CELSR3: variants seen among roughly 807,000 people sequenced by gnomAD.
CELSR3 encodes cadherin EGF LAG seven-pass G-type receptor 3.
In CELSR3, 73 loss-of-function variants were observed where a neutral mutation model predicts 270.0. The ratio of observed to expected loss-of-function variants is 0.27; its 90% CI spans 0.22 to 0.33. The LOEUF (loss-of-function observed/expected upper bound fraction) is 0.33, where lower values mean the gene tolerates loss of function less well. Among genes scored for constraint, CELSR3 ranks in the 10% least tolerant of loss-of-function variants. The probability of loss-of-function intolerance (pLI) is 1.00; values close to 1 mark genes in which losing one functional copy is unlikely to be tolerated. For synonymous variants in CELSR3, 1,780 were observed against 1,905.4 expected (o/e 0.93, Z 1.71); for missense variants, 3,614 against 4,533.8 (o/e 0.80, Z 5.83).
rs746226586 is a variant in CELSR3, at chr3:48,639,713, G to A, written c.9872C>T (p.Ala3291Val). ...CAGCTCCGAGATGCTGTGAGACGTG[G>A]CAGAACGTGGCGTGGAGGGCCCAAG... is the stretch of plus-strand genomic sequence containing the variant. The part of the protein sequence containing the change: ...SVLGPSTPRS[A>V]TSHSISELSP... Residue 3291 changes from alanine to valine, a missense_variant, in exon 34 of 35, where the codon GCC becomes GTC. Transcript: ENST00000164024. The surrounding 1 kb of genome is among the most constrained non-coding windows in gnomAD (Gnocchi z 4.1). The A allele has an allele frequency of 2.5e-6, 4 of 1,613,690 alleles. 1 individual carries two copies. The highest frequency in any genetic ancestry group is 8.5e-7 in the Non-Finnish European group (1 of 1,179,958).
chr3:48,662,324 T>C lies in CELSR3; in HGVS notation c.311A>G (p.Gln104Arg), dbSNP rs756525179. ...TTCAATCCCCAGCTCCTCATTCGGC[T>C]GCTCAGGGGGCCCTCGACTATTCCG... ...SARNSRGPPEQPNEELGIEHG... is the reference protein window; with the variant it reads ...SARNSRGPPERPNEELGIEHG... The change falls in exon 1 of 35, where the codon CAG becomes CGG. Residue 104 changes from glutamine (Q) to arginine (R), a missense_variant. Gln to Arg is a conservative substitution (Grantham distance 43). This residue lies in a region of CELSR3 where 470 missense variants were observed against 469.7 expected (regional missense o/e 1.00). Transcript: ENST00000164024. This position sits in a 1 kb window ranked among gnomAD's most constrained non-coding sequence, Gnocchi z 7.1. 2 of 1,613,056 alleles carry C rather than the reference T, an allele frequency of 1.2e-6. No individual in the cohort carries two copies. The highest frequency in any genetic ancestry group is 1.7e-6 in the Non-Finnish European group (2 of 1,180,020).
chr3:48,640,462 A>T lies in CELSR3; in HGVS notation c.9123T>A (p.Ala3041=), dbSNP rs1264195. The change falls in exon 34 of 35, where the codon GCT becomes GCA. Residue 3041 remains alanine (A), a synonymous_variant. Transcript: ENST00000164024. This position sits in a 1 kb window ranked among gnomAD's most constrained non-coding sequence, Gnocchi z 7.5. The stretch of plus-strand genomic sequence containing the variant: ...TGCGACCGTAAGAGGCAGCTGGCAC[A>T]GCACGGTGGCCCAAGGTGGCTGCAC... ...WCRAATLGHR[A]VPAASYGRIY... 60,403 of 1,612,434 alleles carry T rather than the reference A, an allele frequency of 0.037. 1,327 individuals are homozygous for T. Among genetic ancestry groups the T allele is most frequent in the Non-Finnish European group, 0.043 (50,634 of 1,179,886 alleles).
chr3:48,657,202 C>T lies in CELSR3; in HGVS notation c.3895G>A (p.Val1299Met). 2 of 1,613,910 alleles carry T rather than the reference C, an allele frequency of 1.2e-6. No individual in the cohort carries two copies. Among genetic ancestry groups the T allele is most frequent in the Non-Finnish European group, 1.7e-6 (2 of 1,179,948 alleles). ...GCGGGCGTAGCGAGCACCGCAGCCA[C>T]GCCCTCGAGGAAGCGGCCCAGCAGC... ...SPLLGRFLEG[V>M]AAVLATPAED... Residue 1299 changes from valine (V) to methionine (M), a missense_variant, in exon 2 of 35, where the codon GTG (valine) becomes ATG (methionine). By Grantham distance (21) the Val-to-Met change is conservative. Around this residue, in one of 7 missense-constraint regions of CELSR3, gnomAD observed 1,331 missense variants for 1,933.7 expected, o/e 0.69. Coordinates refer to ENST00000164024, the MANE Select transcript of CELSR3 (RefSeq NM_001407.3). This position sits in a 1 kb window ranked among gnomAD's most constrained non-coding sequence, Gnocchi z 5.4.
At position 48,660,874 on chromosome 3, in the gene CELSR3, G is replaced by A; in HGVS notation, c.1761C>T (p.Gly587=). 6.2e-7 allele frequency: 1 copy of A among 1,613,950 alleles called. No individual in the cohort carries two copies. The highest frequency in any genetic ancestry group is 8.5e-7 in the Non-Finnish European group (1 of 1,180,018). ...NGLVHYNIIS[G]NSRGHFAIDS... is the part of the protein sequence containing the mutation. The stretch of plus-strand genomic sequence containing the variant: ...CGATGGCAAAGTGTCCACGGCTATT[G>A]CCACTGATGATGTTGTAGTGCACCA... The change falls in exon 1 of 35, where the codon GGC becomes GGT. Residue 587 remains glycine (G), a synonymous_variant. Transcript: ENST00000164024. This position sits in a 1 kb window ranked among gnomAD's most constrained non-coding sequence, Gnocchi z 5.5.
At position 48,644,658 on chromosome 3, in the gene CELSR3, C is replaced by T. The variant is rs536475950; in HGVS notation, c.8085+58G>A. 272 of 1,375,982 alleles carry T rather than the reference C, an allele frequency of 2.0e-4. 3 individuals carry two copies. The South Asian group carries it at 3.1e-3, about 16-fold the overall frequency. 85.2% of individuals were successfully genotyped at this position (1,375,982 alleles called of 1,614,324 possible). Reference sequence around the variant, plus strand: ...ACCGCCCTCAGCTGAGTCCACTGCACCTCCTCCCCCAATGAGGGAGGGAAG... The same window carrying T: ...ACCGCCCTCAGCTGAGTCCACTGCATCTCCTCCCCCAATGAGGGAGGGAAG... On this transcript the variant is annotated intron_variant, in intron 26 of 34. Transcript: ENST00000164024. The surrounding 1 kb of genome is among the most constrained non-coding windows in gnomAD (Gnocchi z 4.8).
chr3:48,661,608 C>A lies in CELSR3; in HGVS notation c.1027G>T (p.Ala343Ser), dbSNP rs1378764098. 2 of 1,608,950 alleles carry A rather than the reference C, an allele frequency of 1.2e-6. No individual in the cohort carries two copies. The highest frequency in any genetic ancestry group is 2.7e-5 in the African/African-American group (2 of 74,772). ...LVPENEAAGTAVLRVVAQDPD... is the reference protein window; with the variant it reads ...LVPENEAAGTSVLRVVAQDPD... ...TCCTGAGCAACCACGCGTAGCACCGCGGTGCCTGCTGCCTCATTCTCCGGC... is the reference window on the plus strand; with the variant it reads ...TCCTGAGCAACCACGCGTAGCACCGAGGTGCCTGCTGCCTCATTCTCCGGC... The change falls in exon 1 of 35, where the codon GCG (alanine) becomes TCG (serine). Residue 343 changes from alanine to serine, a missense_variant. Ala to Ser is a moderately conservative substitution (Grantham distance 99). Coordinates refer to ENST00000164024, the MANE Select transcript of CELSR3 (RefSeq NM_001407.3).
chr3:48,647,923 G>T lies in CELSR3; in HGVS notation c.7047C>A (p.Asn2349Lys). 8 of 1,612,126 alleles carry T rather than the reference G, an allele frequency of 5.0e-6. No homozygotes were observed. Among genetic ancestry groups the T allele is most frequent in the Non-Finnish European group, 6.8e-6 (8 of 1,179,716 alleles). ...CCCAGGCATCCTGGCCTCGAAAGAG[G>T]TTGCTATGGTAGCGAGGGTAGCGAC... is the stretch of plus-strand genomic sequence containing the variant. ...GARRYPRYHSNLFRGQDAWDP... is the reference protein window; with the variant it reads ...GARRYPRYHSKLFRGQDAWDP... Residue 2349 changes from asparagine to lysine, a missense_variant, in exon 20 of 35, where the codon AAC becomes AAA. Physicochemically the swap from Asn to Lys is moderately conservative, Grantham distance 94 (BLOSUM62 0). This residue lies in a region of CELSR3 where 1,240 missense variants were observed against 1,351.7 expected (regional missense o/e 0.92). Transcript: ENST00000164024.
rs2047039493 is a variant in CELSR3, at chr3:48,642,660, C to T, written c.8555+76G>A. The stretch of plus-strand genomic sequence containing the variant: ...ATGGGTGGAGCCACCCGCCCTAGGA[C>T]CTGGTCAGCCAAGCCCTGGTAAGGT... On this transcript the variant is annotated intron_variant, in intron 30 of 34. Coordinates refer to ENST00000164024, the MANE Select transcript of CELSR3 (RefSeq NM_001407.3). The surrounding 1 kb of genome is among the most constrained non-coding windows in gnomAD (Gnocchi z 6.1). 6.5e-7 allele frequency: 1 copy of T among 1,548,860 alleles called. No individual in the cohort carries two copies. Among genetic ancestry groups the T allele is most frequent in the South Asian group, 1.2e-5 (1 of 82,200 alleles).
Position 48,640,666 on chromosome 3 carries a change from G to T in CELSR3, c.9026-107C>A, listed in dbSNP as rs2047017592. 4.7e-6 allele frequency: 6 copies of T among 1,267,068 alleles called. No homozygotes were observed. In the South Asian group the frequency reaches 9.2e-5, roughly 20 times the overall value. 78.5% of individuals were successfully genotyped at this position (1,267,068 alleles called of 1,614,324 possible). On this transcript the variant is annotated intron_variant, in intron 33 of 34. Coordinates refer to ENST00000164024, the MANE Select transcript of CELSR3 (RefSeq NM_001407.3). This position sits in a 1 kb window ranked among gnomAD's most constrained non-coding sequence, Gnocchi z 7.5. ...AGCCCTTGGGATCCTTCCAACACAGGGATGGGAGCAGGAACCCCTTGGGGA... is the reference window on the plus strand; with the variant it reads ...AGCCCTTGGGATCCTTCCAACACAGTGATGGGAGCAGGAACCCCTTGGGGA...
rs1321743623 is a variant in CELSR3, at chr3:48,651,602, A to G, written c.6040T>C (p.Tyr2014His). 3 of 1,578,096 alleles carry G rather than the reference A, an allele frequency of 1.9e-6. No individual in the cohort carries two copies. In the Admixed American group the frequency reaches 5.3e-5, roughly 28 times the overall value. ...HGYTCDCVGG[Y>H]FGHHCEHRMD... ...CTGTGCTCACAGTGGTGCCCGAAAT[A>G]GCCACCCACACAGTCACAGGTATAG... The change falls in exon 13 of 35, where the codon TAT (tyrosine) becomes CAT (histidine). Residue 2014 changes from tyrosine (Y) to histidine (H), a missense_variant. Physicochemically the swap from Tyr to His is moderately conservative, Grantham distance 83 (BLOSUM62 2). This residue lies in a region of CELSR3 where 1,331 missense variants were observed against 1,933.7 expected (regional missense o/e 0.69). Coordinates refer to ENST00000164024, the MANE Select transcript of CELSR3 (RefSeq NM_001407.3). This position sits in a 1 kb window ranked among gnomAD's most constrained non-coding sequence, Gnocchi z 7.4.
Position 48,636,928 on chromosome 3 carries a change from G to T in CELSR3, c.*1277C>A, listed in dbSNP as rs1057050465. ...TTAGAAAACCCCTCAAGATGGCCAG[G>T]TCAGGGTCCTCACAGGTGGGTCCTC... On this transcript the variant is annotated 3_prime_UTR_variant, in exon 35 of 35. Transcript: ENST00000164024. 5 of 152,240 alleles carry T rather than the reference G, an allele frequency of 3.3e-5. No homozygotes were observed. The highest frequency in any genetic ancestry group is 5.9e-5 in the Non-Finnish European group (4 of 68,024). 9.4% of individuals were successfully genotyped at this position (152,240 alleles called of 1,614,324 possible).
Position 48,662,522 on chromosome 3 carries a change from C to A in CELSR3, c.113G>T (p.Gly38Val). Residue 38 changes from glycine (G) to valine (V), a missense_variant, in exon 1 of 35, where the codon GGG becomes GTG. By Grantham distance (109) the Gly-to-Val change is moderately radical. This residue lies in a region of CELSR3 where 470 missense variants were observed against 469.7 expected (regional missense o/e 1.00). Transcript: ENST00000164024. The surrounding 1 kb of genome is among the most constrained non-coding windows in gnomAD (Gnocchi z 7.1). ...TAAGCCTGGGTCCCAGCCCTGGTGCCCACCGCCCCCCAGCTCCTCCTGGCT... is the reference window on the plus strand; with the variant it reads ...TAAGCCTGGGTCCCAGCCCTGGTGCACACCGCCCCCCAGCTCCTCCTGGCT... ...PLSQEELGGGGHQGWDPGLAA... is the reference protein window; with the variant it reads ...PLSQEELGGGVHQGWDPGLAA... The A allele has an allele frequency of 6.2e-7, 1 of 1,608,076 alleles. No individual in the cohort carries two copies. The highest frequency in any genetic ancestry group is 8.5e-7 in the Non-Finnish European group (1 of 1,177,132).
rs773929823 is a variant in CELSR3 at position 48,659,834 on chromosome 3, C to T, written c.2801G>A (p.Arg934Gln). The part of the protein sequence containing the change: ...QVTYTLAITA[R>Q]DNGIPQKADT... ...TGCCTTCTGTGGGATGCCATTGTCC[C>T]GAGCTGTGATAGCCAGGGTGTAGGT... Residue 934 changes from arginine to glutamine, a missense_variant, in exon 1 of 35, where the codon CGG (arginine) becomes CAG (glutamine). Transcript: ENST00000164024. This position sits in a 1 kb window ranked among gnomAD's most constrained non-coding sequence, Gnocchi z 8.1. The T allele has an allele frequency of 9.3e-6, 15 of 1,614,046 alleles. No individual in the cohort carries two copies. The highest frequency in any genetic ancestry group is 7.7e-5 in the South Asian group (7 of 91,080).
At chr3:48,643,925 C>A (rs1252233852) in intron 27 of CELSR3, 11 of 587,822 alleles carry the variant, frequency 1.9e-5, no homozygotes, top group Non-Finnish European at 3.0e-5. Context: ...AGGGAGGGCA[C>A]GGAAGACAGG....
Position 48,641,814 on chromosome 3 carries a change from C to A in CELSR3, c.8824+37G>T. ...GCTGGAGGGATAACAAATGGGGCAT[C>A]CCTTGGTCACCCAAGGGGTCAGAGG... On this transcript the variant is annotated intron_variant, in intron 32 of 34. Coordinates refer to ENST00000164024, the MANE Select transcript of CELSR3 (RefSeq NM_001407.3). The surrounding 1 kb of genome is among the most constrained non-coding windows in gnomAD (Gnocchi z 4.8). 7.0e-7 allele frequency: 1 copy of A among 1,430,582 alleles called. No homozygotes were observed. Among genetic ancestry groups the A allele is most frequent in the Non-Finnish European group, 9.2e-7 (1 of 1,089,028 alleles). The allele number at this position is 1,430,582 out of a possible 1,614,324, so 88.6% of individuals were successfully genotyped here. A position where few individuals can be genotyped will look rare whatever the true frequency, so the allele number is the denominator to read the frequency against.
chr3:48,646,308 GC>G lies in CELSR3; in HGVS notation c.7296-52del. On this transcript the variant is annotated intron_variant, in intron 21 of 34. Transcript: ENST00000164024. This position sits in a 1 kb window ranked among gnomAD's most constrained non-coding sequence, Gnocchi z 4.8. ...CGCACTGCTGACCTCCCCATGCTCA[GC>G]CTGCTTGCCTCACCCCGTCTTCATG... 6.4e-7 allele frequency: 1 copy of G among 1,550,522 alleles called. No homozygotes were observed. Among genetic ancestry groups the G allele is most frequent in the Non-Finnish European group, 8.7e-7 (1 of 1,142,984 alleles).
In CELSR3 at chr3:48,640,302, G is replaced by A. The variant is rs770354924; in HGVS notation, c.9283C>T (p.Pro3095Ser). Residue 3095 changes from proline (P) to serine (S), a missense_variant, in exon 34 of 35, where the codon CCC becomes TCC. Pro to Ser is a moderately conservative substitution (Grantham distance 74). Transcript: ENST00000164024. The surrounding 1 kb of genome is among the most constrained non-coding windows in gnomAD (Gnocchi z 7.5). ...LEEAPAPVLR[P>S]LSRPGSQECM... ...TCCTGGGACCCTGGCCGGCTCAGGG[G>A]ACGTAGAACAGGGGCAGGGGCTTCC... 6.2e-7 allele frequency: 1 copy of A among 1,612,748 alleles called. No individual in the cohort carries two copies. Among genetic ancestry groups the A allele is most frequent in the Non-Finnish European group, 8.5e-7 (1 of 1,179,964 alleles).
At chr3:48,648,225 G>T in intron 19 of CELSR3, 41 bp downstream of exon 19, 1 of 1,585,968 alleles carries the variant, frequency 6.3e-7, no homozygotes, top group Non-Finnish European at 8.6e-7. Context: ...CCCTTTCATG[G>T]CCCCCCTGCT....
Position 48,646,858 on chromosome 3 carries a change from C to A in CELSR3, c.7200G>T (p.Glu2400Asp). The A allele has an allele frequency of 1.9e-6, 3 of 1,596,334 alleles. No homozygotes were observed. The highest frequency in any genetic ancestry group is 1.7e-6 in the Non-Finnish European group (2 of 1,173,766). The change falls in exon 21 of 35, where the codon GAG becomes GAT. Residue 2400 changes from glutamate to aspartate, a missense_variant. Coordinates refer to ENST00000164024, the MANE Select transcript of CELSR3 (RefSeq NM_001407.3). The surrounding 1 kb of genome is among the most constrained non-coding windows in gnomAD (Gnocchi z 4.8). ...SSVVPPPAPP[E>D]PEPGISIIIL... ...TGATAATGGAGATCCCAGGCTCTGG[C>A]TCTGGCGGGGCTGGTGGGGGGACCA...
Sources: allele counts gnomAD v4.1 joint callset, GRCh38; gene constraint gnomAD v4.1.1; regional missense constraint gnomAD v4.1.1; non-coding constraint Gnocchi (gnomAD v3.1); transcripts MANE v1.5; gene names NCBI Gene and HGNC (gene_info 2026-07-23, HGNC 2026-07-21).